CD226: variants seen among roughly 807,000 people sequenced by gnomAD.
CD226 encodes the protein CD226 molecule.
Under a neutral mutation model 34.9 loss-of-function variants are expected in CD226, and 24 were observed. The observed-to-expected ratio is 0.69, with a 90% CI of 0.50 to 0.97. CD226 has a LOEUF of 0.97. Among genes scored for constraint, CD226 ranks in the 50% least tolerant of loss-of-function variants. CD226 has a pLI of 0.00. For missense variants in CD226, 397 were observed against 412.7 expected (o/e 0.96, Z 0.33); for synonymous variants, 148 against 147.4 (o/e 1.00, Z -0.03).
intron 2 of CD226, among the ~76,000 whole-genome samples, chr18:69,946,216 G>C (rs1194169495): frequency 8.2e-6 from 1 of 121,290 alleles, no homozygotes; most frequent in Non-Finnish European, 1.7e-5. Flanking sequence ...AAAGAAGGAA[G>C]AAGAAAGAAA....
upstream of CD226, among the ~76,000 whole-genome samples, chr18:69,960,248 A>G (rs1032624227): frequency 1.3e-5 from 2 of 151,916 alleles, no homozygotes; most frequent in Admixed American, 1.3e-4. Context: ...TTAAAAAAAA[A>G]AAAAAGAAAA....
intron 3 of CD226, among the ~76,000 whole-genome samples, chr18:69,881,667 C>A (rs1984270006): frequency 6.6e-6 from 1 of 152,114 alleles, no homozygotes; most frequent in Non-Finnish European, 1.5e-5. Flanking sequence ...TAACTTGTTT[C>A]TATTTTTTTC....
chr18:69,911,429 G>A (rs895691561), intron 2 of CD226, among the ~76,000 whole-genome samples: 3 of 152,138 alleles, frequency 2.0e-5, no homozygotes, highest in Non-Finnish European at 2.9e-5. Context: ...TTCATTTTTG[G>A]AAGTTGGGAC....
chr18:69,919,302 T>G (rs62090821), intron 2 of CD226, among the ~76,000 whole-genome samples: 288 of 152,260 alleles, frequency 1.9e-3, no homozygotes, highest in Non-Finnish European at 3.7e-3. Context: ...CCCAGGCAAT[T>G]TAAACATTCC....
In CD226 at chr18:69,873,156, A is replaced by G. The variant is rs1210554479; in HGVS notation, c.818T>C (p.Ile273Thr). 6.3e-7 allele frequency: 1 copy of G among 1,587,262 alleles called. No homozygotes were observed. The highest frequency in any genetic ancestry group is 8.7e-7 in the Non-Finnish European group (1 of 1,155,646). ...FVISITTIIV[I>T]FLNRRRRRER... ...TTGCACTACTCACCTGTTAAGGAAA[A>G]TGACAATGATGGTGGTAATTGAGAT... The change falls in exon 4 of 6, where the codon ATT (isoleucine) becomes ACT (threonine). Residue 273 changes from isoleucine (I) to threonine (T), a missense_variant. Coordinates refer to ENST00000582621, the MANE Select transcript of CD226 (RefSeq NM_001303618.2).
At chr18:69,913,798 A>T (rs1242518944) in intron 2 of CD226, among the ~76,000 whole-genome samples, 1 of 152,186 alleles carries the variant, frequency 6.6e-6, no homozygotes, top group Admixed American at 6.5e-5. Context: ...CCTGCATATT[A>T]TGGAGCAAGG....
rs894035975 is a variant in CD226, at chr18:69,917,991, C to T, written c.383-21946G>A. On this transcript the variant is annotated intron_variant, in intron 2 of 5. Coordinates refer to ENST00000582621, the MANE Select transcript of CD226 (RefSeq NM_001303618.2). ...TCAGCTGCCCACTGAACCCACCTAC[C>T]CAAGGCCATATGAGATTAAATTTGT... Among the ~76,000 whole-genome samples the T allele has an allele frequency of 6.6e-4, 100 of 152,120 alleles. 1 individual carries two copies. Among genetic ancestry groups the T allele is most frequent in the Non-Finnish European group, 6.2e-4 (42 of 68,024 alleles).
In CD226 at chr18:69,861,459, T is replaced by C. The variant is rs184556220; in HGVS notation, c.*2855A>G. On this transcript the variant is annotated 3_prime_UTR_variant, in exon 6 of 6. Transcript: ENST00000582621. ...ATTATAACAAAGTAATTTCCTTTCA[T>C]TGGTTACTTTAACATAAATATTAAT... The C allele has an allele frequency of 6.7e-6, 1 of 149,774 alleles. No homozygotes were observed. Among genetic ancestry groups the C allele is most frequent in the African/African-American group, 2.4e-5 (1 of 41,200 alleles). The allele number at this position is 149,774 out of a possible 1,614,324, so 9.3% of individuals were successfully genotyped here.
At chr18:69,909,255 T>G (rs1437058826) in intron 2 of CD226, among the ~76,000 whole-genome samples, 1 of 152,162 alleles carries the variant, frequency 6.6e-6, no homozygotes, top group Non-Finnish European at 1.5e-5. Context: ...AAAGATGATG[T>G]GTTGTAAATT....
intron 2 of CD226, among the ~76,000 whole-genome samples, chr18:69,945,660 C>A (rs2055780057): frequency 6.6e-6 from 1 of 152,106 alleles, no homozygotes; most frequent in South Asian, 2.1e-4. Flanking sequence ...CCAAGACCAG[C>A]CTGGGCAACA....
At chr18:69,895,146 A>G (rs1985192254) in intron 3 of CD226, among the ~76,000 whole-genome samples, 1 of 152,176 alleles carries the variant, frequency 6.6e-6, no homozygotes, top group Non-Finnish European at 1.5e-5. Context: ...CTATTTTCCT[A>G]GTAATATTAA....
At chr18:69,908,893 A>T (rs1277446953) in intron 2 of CD226, among the ~76,000 whole-genome samples, 1 of 152,210 alleles carries the variant, frequency 6.6e-6, no homozygotes, top group Non-Finnish European at 1.5e-5. Context: ...CCTTCATATA[A>T]TCCTTCCACT....
rs545721375 is a variant in CD226, at chr18:69,865,227, C to T, written c.886-788G>A. 5.9e-5 allele frequency among the ~76,000 whole-genome samples: 9 copies of T among 152,188 alleles called. No individual in the cohort carries two copies. The South Asian group carries it at 1.7e-3, about 28-fold the overall frequency. ...CTGGTCTCAAACTCCTGACCTCAGA[C>T]GATCCGCCCACCTCAGCCTCCCAAA... is the stretch of plus-strand genomic sequence containing the variant. On this transcript the variant is annotated intron_variant, in intron 5 of 5. Transcript: ENST00000582621.
At chr18:69,921,452 T>A (rs1198118362) in intron 2 of CD226, among the ~76,000 whole-genome samples, 8 of 152,134 alleles carry the variant, frequency 5.3e-5, no homozygotes, top group Non-Finnish European at 1.5e-5. Context: ...AGCTAACACA[T>A]CTTATTGGGC....
intron 1 of CD226, among the ~76,000 whole-genome samples, chr18:69,953,999 CAA>C (rs933349209): frequency 3.4e-4 from 25 of 73,672 alleles, no homozygotes; most frequent in South Asian, 8.0e-4. Context: ...GACTCCGTTT[CAA>C]AAAAAAAAAA....
At position 69,955,729 on chromosome 18, in the gene CD226, A is replaced by G. The variant is rs191447330; in HGVS notation, c.-28+1026T>C. Among the ~76,000 whole-genome samples, 57 of 152,030 alleles carry G rather than the reference A, an allele frequency of 3.7e-4. 1 individual carries two copies. Among genetic ancestry groups the G allele is most frequent in the Non-Finnish European group, 7.5e-4 (51 of 67,956 alleles). On this transcript the variant is annotated intron_variant, in intron 1 of 6. Coordinates refer to the CD226 transcript ENST00000280200. ...ATACAAAAAATTAGCCGGGTGTGGTAGCGGGCACCTGTAGTCCCAGCTACT... is the reference window on the plus strand; with the variant it reads ...ATACAAAAAATTAGCCGGGTGTGGTGGCGGGCACCTGTAGTCCCAGCTACT...
upstream of CD226, among the ~76,000 whole-genome samples, chr18:69,948,643 T>C (rs1441856830): frequency 6.6e-6 from 1 of 152,240 alleles, no homozygotes; most frequent in East Asian, 1.9e-4. Flanking sequence ...CTTGTGTTTA[T>C]ATGGCATTAT....
At chr18:69,930,900 T>A (rs1473859362) in intron 2 of CD226, among the ~76,000 whole-genome samples, 1 of 152,174 alleles carries the variant, frequency 6.6e-6, no homozygotes, top group Non-Finnish European at 1.5e-5. Flanking sequence ...GAAGGCTTTA[T>A]CAAGGACTAT....
At chr18:69,950,951 TTGTACTGAAAA>T (rs1301489767), upstream of CD226, among the ~76,000 whole-genome samples, 1 of 149,854 alleles carries the variant, frequency 6.7e-6, no homozygotes, top group Non-Finnish European at 1.5e-5. Context: ...ATAGAAGCTA[TTGTACTGAAAA>T]CTATGATTTT....
Sources: gnomAD v4.1 joint callset for allele counts (sites outside exome capture counted in the v4.1 genomes callset) on GRCh38, gnomAD v4.1.1 for gene constraint, MANE v1.5 for transcripts, NCBI Gene and HGNC (gene_info 2026-07-23, HGNC 2026-07-21) for gene names.